TPRG1: variants seen among roughly 807,000 people sequenced by gnomAD.
TPRG1 encodes tumor protein p63 regulated 1.
Under a neutral mutation model 29.3 loss-of-function variants are expected in TPRG1, and 29 were observed. That is an observed-to-expected ratio of 0.99 (90% confidence interval 0.74 to 1.35). The LOEUF (loss-of-function observed/expected upper bound fraction) is 1.35. Among genes scored for constraint, TPRG1 ranks in the 40% most tolerant of loss-of-function variants. The pLI, the probability that TPRG1 is intolerant of heterozygous loss-of-function variation, is 0.00. For missense variants in TPRG1, 327 were observed against 335.0 expected (o/e 0.98, Z 0.19); for synonymous variants, 130 against 116.8 (o/e 1.11, Z -0.73).
At position 189,266,136 on chromosome 3, in the gene TPRG1, A is replaced by G. The variant is rs138089437; in HGVS notation, c.479+27227A>G. 1.7e-4 allele frequency among the ~76,000 whole-genome samples: 26 copies of G among 152,284 alleles called. No homozygotes were observed. In the East Asian group the frequency reaches 5.0e-3, roughly 29 times the overall value. On this transcript the variant is annotated intron_variant, in intron 4 of 5. Transcript: ENST00000345063. ...GCTACCGAATTATTTGGAGGCTCAT[A>G]TACTAATTTGTAAAATAGAATTAAT...
chr3:189,117,096 TCTTA>T (rs1721267801), intron 1 of TPRG1, among the ~76,000 whole-genome samples: 1 of 152,328 alleles, frequency 6.6e-6, no homozygotes, highest in Admixed American at 6.5e-5. Context: ...GTTTAAACAG[TCTTA>T]CTTCCTTTAC....
intron 2 of TPRG1, among the ~76,000 whole-genome samples, chr3:189,004,207 C>T (rs1712174387): frequency 6.6e-6 from 1 of 152,076 alleles, no homozygotes; most frequent in Non-Finnish European, 1.5e-5. Flanking sequence ...ACCAAACCCC[C>T]ATGACACAAT....
chr3:189,297,659 A>T (rs9873290), intron 4 of TPRG1, among the ~76,000 whole-genome samples: 41,427 of 152,074 alleles, frequency 0.27, 6,210 homozygotes, highest in Middle Eastern at 0.34. Flanking sequence ...CATTGTTCTA[A>T]ACCACGCTCT....
upstream of TPRG1, chr3:189,171,881 A>G (rs1728856594): frequency 6.6e-6 from 1 of 152,226 alleles, no homozygotes; most frequent in Non-Finnish European, 1.5e-5. Flanking sequence ...CACAAACCCA[A>G]TTCTCTGCCT....
intron 5 of TPRG1, among the ~76,000 whole-genome samples, chr3:189,157,781 C>A (rs1239977360): frequency 6.6e-6 from 1 of 152,116 alleles, no homozygotes; most frequent in Non-Finnish European, 1.5e-5. Flanking sequence ...CCTTCCTAAG[C>A]CACGCTGATG....
intron 4 of TPRG1, among the ~76,000 whole-genome samples, chr3:189,056,620 T>A (rs141340661): frequency 2.1e-4 from 32 of 152,324 alleles, no homozygotes; most frequent in African/African-American, 7.7e-4. Context: ...CCCTGCCAGT[T>A]TACAAGTTCC....
At chr3:189,135,581 C>T (rs929866579) in intron 3 of TPRG1, among the ~76,000 whole-genome samples, 1 of 152,182 alleles carries the variant, frequency 6.6e-6, no homozygotes, top group Non-Finnish European at 1.5e-5. Flanking sequence ...GCCCTTCATG[C>T]CCCCCTGCTA....
At chr3:189,248,357 T>A (rs1449195542) in intron 4 of TPRG1, among the ~76,000 whole-genome samples, 1 of 151,850 alleles carries the variant, frequency 6.6e-6, no homozygotes, top group African/African-American at 2.4e-5. Context: ...ACTTTCTTCC[T>A]TGTGTGAGGA....
chr3:189,158,142 T>C (rs1488584563), intron 5 of TPRG1, among the ~76,000 whole-genome samples: 3 of 152,240 alleles, frequency 2.0e-5, no homozygotes. Context: ...GGAGGGTCCC[T>C]TAAACCACTT....
At position 189,206,080 on chromosome 3, in the gene TPRG1, TTTTC is replaced by T. The variant is rs774213480; in HGVS notation, c.-9-1279_-9-1276del. On this transcript the variant is annotated intron_variant, in intron 1 of 5. Coordinates refer to ENST00000345063, the MANE Select transcript of TPRG1 (RefSeq NM_198485.4). ...CTTTCTTTCTTTTTTCTTTCTTTCTTTTTCTTTCTTTCTTTCTTTCCTTCTTTCT... is the reference window on the plus strand; with the variant it reads ...CTTTCTTTCTTTTTTCTTTCTTTCTTTTTCTTTCTTTCTTTCCTTCTTTCT... Among the ~76,000 whole-genome samples, 210 of 143,320 alleles carry T rather than the reference TTTTC, an allele frequency of 1.5e-3. 3 individuals carry two copies. Among genetic ancestry groups the T allele is most frequent in the Middle Eastern group, 7.2e-3 (2 of 276 alleles). 94.0% of individuals were successfully genotyped at this position (143,320 alleles called of 152,430 possible).
At chr3:189,163,911 A>C (rs1204199440) in intron 5 of TPRG1, among the ~76,000 whole-genome samples, 1 of 152,106 alleles carries the variant, frequency 6.6e-6, no homozygotes, top group Non-Finnish European at 1.5e-5. Flanking sequence ...AAACAATTGG[A>C]TAAGATGATA....
At chr3:188,998,475 G>T (rs1192034543) in intron 1 of TPRG1, among the ~76,000 whole-genome samples, 1 of 152,230 alleles carries the variant, frequency 6.6e-6, no homozygotes, top group Non-Finnish European at 1.5e-5. Flanking sequence ...ACCACAGCAT[G>T]CTAGAGTTTT....
chr3:189,306,736 G>A (rs1169255770), intron 4 of TPRG1, among the ~76,000 whole-genome samples: 1 of 152,074 alleles, frequency 6.6e-6, no homozygotes, highest in Non-Finnish European at 1.5e-5. Flanking sequence ...GGGTAGTATG[G>A]TTCATAGTAG....
intron 3 of TPRG1, among the ~76,000 whole-genome samples, chr3:189,141,383 A>G (rs1244928674): frequency 6.6e-6 from 1 of 152,024 alleles, no homozygotes; most frequent in Non-Finnish European, 1.5e-5. Flanking sequence ...TCATTCATTC[A>G]TTCATTTGTT....
intron 4 of TPRG1, among the ~76,000 whole-genome samples, chr3:189,086,039 C>T (rs941350858): frequency 2.6e-5 from 4 of 152,104 alleles, no homozygotes; most frequent in African/African-American, 9.7e-5. Context: ...TGAGGAGCAA[C>T]GAAGTCAGTC....
chr3:189,111,868 T>C (rs901984046), intron 1 of TPRG1, among the ~76,000 whole-genome samples: 2 of 152,184 alleles, frequency 1.3e-5, no homozygotes, highest in Non-Finnish European at 2.9e-5. Context: ...ACTGAGAACA[T>C]CTTTGCCTTG....
chr3:189,265,249 C>A (rs1412215623), intron 4 of TPRG1, among the ~76,000 whole-genome samples: 1 of 152,048 alleles, frequency 6.6e-6, no homozygotes, highest in Non-Finnish European at 1.5e-5. Flanking sequence ...AAAGGGAGTC[C>A]CCTCTTCTGA....
intron 3 of TPRG1, among the ~76,000 whole-genome samples, chr3:189,012,175 T>C (rs1477726419): frequency 6.6e-6 from 1 of 152,188 alleles, no homozygotes; most frequent in African/African-American, 2.4e-5. Context: ...CTATGTTGAA[T>C]AGGAGTAGTG....
intron 3 of TPRG1, among the ~76,000 whole-genome samples, chr3:189,013,351 A>C (rs1712706350): frequency 6.6e-6 from 1 of 152,092 alleles, no homozygotes; most frequent in Non-Finnish European, 1.5e-5. Context: ...CTTAATCTTG[A>C]GTTCTAATTT....
Sources: allele counts gnomAD v4.1 joint callset (sites outside exome capture counted in the v4.1 genomes callset), GRCh38; gene constraint gnomAD v4.1.1; transcripts MANE v1.5; gene names NCBI Gene and HGNC (gene_info 2026-07-23, HGNC 2026-07-21).